Variants in PKN2 observed in about 807,000 individuals in gnomAD.
PKN2 encodes serine/threonine-protein kinase N2.
PKN2 carries 38 observed loss-of-function variants against 119.1 expected under a neutral mutation model. The observed-to-expected ratio is 0.32, with a 90% CI of 0.25 to 0.42. The LOEUF (loss-of-function observed/expected upper bound fraction) is 0.42. PKN2 is among the 10% of genes least tolerant of loss of function. The pLI is 1.00. For synonymous variants in PKN2, 390 were observed against 384.9 expected, an observed-to-expected ratio of 1.01 and a Z score of -0.15; for missense variants, 850 against 1,165.1, an observed-to-expected ratio of 0.73 and a Z score of 3.94.
intron 1 of PKN2, among the ~76,000 whole-genome samples, chr1:88,698,230 T>C (rs996717422): frequency 6.6e-6 from 1 of 152,140 alleles, no homozygotes; most frequent in African/African-American, 2.4e-5. Flanking sequence ...GAATCCATCT[T>C]TTTAAAAGTG....
At chr1:88,797,694 A>G (rs1176185978) in intron 8 of PKN2, among the ~76,000 whole-genome samples, 1 of 152,056 alleles carries the variant, frequency 6.6e-6, no homozygotes, top group Non-Finnish European at 1.5e-5. Flanking sequence ...CTCGCTCCAC[A>G]CAACTGAATC....
chr1:88,791,579 G>A (rs1448254775), intron 8 of PKN2, among the ~76,000 whole-genome samples: 3 of 152,154 alleles, frequency 2.0e-5, no homozygotes, highest in Non-Finnish European at 4.4e-5. Flanking sequence ...CAGCAAGAGT[G>A]GGGTTATGTC....
chr1:88,689,978 T>C (rs768295713), intron 1 of PKN2, among the ~76,000 whole-genome samples: 8 of 152,234 alleles, frequency 5.3e-5, no homozygotes, highest in Non-Finnish European at 1.2e-4. Flanking sequence ...CTTTGCTGAA[T>C]TAAACATACT....
rs550943489 is a variant in PKN2 at position 88,738,631 on chromosome 1, A to G, written c.49-2357A>G. ...TTCTTCTGGCCTATGAGAAATAAGG[A>G]ATAATTTCCTGAGATATTAAGAGTA... On this transcript the variant is annotated intron_variant, in intron 1 of 21. Coordinates refer to ENST00000370521, the MANE Select transcript of PKN2 (RefSeq NM_006256.4). Among the ~76,000 whole-genome samples, 10 of 152,354 alleles carry G rather than the reference A, an allele frequency of 6.6e-5. No homozygotes were observed. The East Asian group carries it at 1.9e-3, about 29-fold the overall frequency.
intron 1 of PKN2, among the ~76,000 whole-genome samples, chr1:88,719,890 T>C (rs1667599425): frequency 6.6e-6 from 1 of 152,210 alleles, no homozygotes; most frequent in African/African-American, 2.4e-5. Flanking sequence ...GTGACTAAGA[T>C]ATATATAAAT....
chr1:88,817,243 A>T (rs183044417), intron 16 of PKN2, among the ~76,000 whole-genome samples: 46 of 152,262 alleles, frequency 3.0e-4, no homozygotes, highest in Admixed American at 2.4e-3. Flanking sequence ...GGCTGGTTCA[A>T]CACACACAAA....
In PKN2 at chr1:88,823,354, T is replaced by C. The variant is rs530243742; in HGVS notation, c.2343-956T>C. Among the ~76,000 whole-genome samples the C allele has an allele frequency of 9.2e-5, 14 of 152,334 alleles. No homozygotes were observed. In the South Asian group the frequency reaches 2.7e-3, roughly 29 times the overall value. ...AACCTGCCCTCTGATGCCTTATTAATACTGTTAACTTTACAATTCTTTCTT... is the reference window on the plus strand; with the variant it reads ...AACCTGCCCTCTGATGCCTTATTAACACTGTTAACTTTACAATTCTTTCTT... On this transcript the variant is annotated intron_variant, in intron 17 of 21. Coordinates refer to ENST00000370521, the MANE Select transcript of PKN2 (RefSeq NM_006256.4).
intron 16 of PKN2, among the ~76,000 whole-genome samples, chr1:88,818,817 G>T (rs1672125774): frequency 6.6e-6 from 1 of 152,042 alleles, no homozygotes; most frequent in Admixed American, 6.5e-5. Flanking sequence ...CATGGTACTG[G>T]TACCAAAACA....
intron 1 of PKN2, among the ~76,000 whole-genome samples, chr1:88,717,071 T>A (rs1441804968): frequency 6.6e-6 from 1 of 152,154 alleles, no homozygotes; most frequent in Non-Finnish European, 1.5e-5. Flanking sequence ...TTTGGCTGGA[T>A]ATGAAATTCT....
chr1:88,713,137 G>A (rs1025318083), intron 1 of PKN2, among the ~76,000 whole-genome samples: 1 of 152,152 alleles, frequency 6.6e-6, no homozygotes, highest in Admixed American at 6.5e-5. Context: ...GTATTCCATG[G>A]TGTATATGTG....
At chr1:88,726,078 A>G (rs1375979490) in intron 1 of PKN2, among the ~76,000 whole-genome samples, 5 of 152,110 alleles carry the variant, frequency 3.3e-5, no homozygotes, top group East Asian at 1.9e-4. Context: ...GAACTCACTT[A>G]TTGTAGATGT....
At chr1:88,782,367 G>A (rs572832873) in intron 6 of PKN2, among the ~76,000 whole-genome samples, 1 of 151,940 alleles carries the variant, frequency 6.6e-6, no homozygotes, top group South Asian at 2.1e-4. Context: ...CATCAAATGT[G>A]GAGAATTCAT....
Position 88,760,479 on chromosome 1 carries a change from C to T in PKN2, c.504+103C>T, listed in dbSNP as rs1218679335. On this transcript the variant is annotated intron_variant, in intron 3 of 21. Transcript: ENST00000370521. ...TAAAATTTATTAGTAACTCCAACAT[C>T]AGTACTGGTGGCATGGCACTTTGGC... is the stretch of plus-strand genomic sequence containing the variant. 17 of 638,984 alleles carry T rather than the reference C, an allele frequency of 2.7e-5. No individual in the cohort carries two copies. In the African/African-American group the frequency reaches 2.7e-4, roughly 10 times the overall value. 39.6% of individuals were successfully genotyped at this position (638,984 alleles called of 1,614,324 possible). A position where few individuals can be genotyped will look rare whatever the true frequency, so the allele number is the denominator to read the frequency against.
intron 1 of PKN2, among the ~76,000 whole-genome samples, chr1:88,705,711 A>T (rs961170829): frequency 6.6e-6 from 1 of 151,972 alleles, no homozygotes; most frequent in Non-Finnish European, 1.5e-5. Context: ...AAATATATAT[A>T]TATATATTCT....
At chr1:88,699,438 T>A (rs1044255392) in intron 1 of PKN2, among the ~76,000 whole-genome samples, 6 of 152,224 alleles carry the variant, frequency 3.9e-5, no homozygotes, top group Non-Finnish European at 8.8e-5. Context: ...TTTCAAGTTC[T>A]GGGGTGCGTG....
At chr1:88,819,829 T>TA (rs576335924) in intron 16 of PKN2, among the ~76,000 whole-genome samples, 1 of 152,044 alleles carries the variant, frequency 6.6e-6, no homozygotes, top group African/African-American at 2.4e-5. Flanking sequence ...TATACAGCCA[T>TA]AAAAAATGAT....
At chr1:88,739,784 G>A (rs1668504394) in intron 1 of PKN2, among the ~76,000 whole-genome samples, 1 of 152,188 alleles carries the variant, frequency 6.6e-6, no homozygotes, top group South Asian at 2.1e-4. Flanking sequence ...TAGATTAGCT[G>A]TGCTTAACTG....
intron 12 of PKN2, 91 bp from the exon 13 acceptor site, chr1:88,807,222 C>T (rs976845699): frequency 1.8e-5 from 17 of 955,572 alleles, no homozygotes; most frequent in Non-Finnish European, 2.4e-5. Context: ...TTTATATTGA[C>T]TTTTGAAATG....
rs1413110203 is a variant in PKN2 at position 88,686,687 on chromosome 1, ATTAC to A, written c.48+2063_48+2066del. Among the ~76,000 whole-genome samples, 4 of 152,226 alleles carry A rather than the reference ATTAC, an allele frequency of 2.6e-5. No individual in the cohort carries two copies. The East Asian group carries it at 5.8e-4, about 22-fold the overall frequency. On this transcript the variant is annotated intron_variant, in intron 1 of 21. Transcript: ENST00000370521. ...CGTGTTTATTAAAATGTTTGCGACT[ATTAC>A]TTATATCAACACTTAAAGATAAATA...
Sources: allele counts gnomAD v4.1 joint callset (sites outside exome capture counted in the v4.1 genomes callset), GRCh38; gene constraint gnomAD v4.1.1; transcripts MANE v1.5; gene names NCBI Gene and HGNC (gene_info 2026-07-23, HGNC 2026-07-21).